The following ATP8A1 variants were observed in gnomAD, a reference collection of about 807,000 sequenced individuals.
The protein encoded by ATP8A1 is phospholipid-transporting ATPase IA.
A neutral mutation model predicts 177.7 loss-of-function variants in ATP8A1; 90 were observed. The ratio of observed to expected loss-of-function variants is 0.51; its 90% CI spans 0.43 to 0.60. The LOEUF (loss-of-function observed/expected upper bound fraction) is 0.60. ATP8A1 is among the 20% of genes least tolerant of loss of function. The pLI is 0.00. For missense variants in ATP8A1, 1,072 were observed against 1,392.8 expected (o/e 0.77, Z 3.67); for synonymous variants, 493 against 485.9 (o/e 1.01, Z -0.19).
intron 33 of ATP8A1, among the ~76,000 whole-genome samples, chr4:42,429,549 T>C (rs1715030932): frequency 6.6e-6 from 1 of 152,210 alleles, no homozygotes; most frequent in Admixed American, 6.5e-5. Context: ...CTTCCTCCTC[T>C]AGGCAAATAC....
chr4:42,503,365 AAT>A lies in ATP8A1; in HGVS notation c.2151+83_2151+84del, dbSNP rs2153193427. On this transcript the variant is annotated intron_variant, in intron 24 of 36. Coordinates refer to ENST00000381668, the MANE Select transcript of ATP8A1 (RefSeq NM_006095.2). ...GGTACCTTGAACCACAGAAAGATAA[AAT>A]ATTTCCATAGCTATCTGAATATAAA... 3 of 805,262 alleles carry A rather than the reference AAT, an allele frequency of 3.7e-6. No homozygotes were observed. The East Asian group carries it at 8.4e-5, about 23-fold the overall frequency. The allele number at this position is 805,262 out of a possible 1,614,324, so 49.9% of individuals were successfully genotyped here.
At position 42,452,158 on chromosome 4, in the gene ATP8A1, T is replaced by A. The variant is rs1023094569; in HGVS notation, c.2818-99A>T. Reference sequence around the variant, plus strand: ...CTATGAGCTAGATTCACAAAATGTGTTTCTGTCGGGCCACCACTGTGAATT... The same window carrying A: ...CTATGAGCTAGATTCACAAAATGTGATTCTGTCGGGCCACCACTGTGAATT... On this transcript the variant is annotated intron_variant, in intron 29 of 36. Transcript: ENST00000381668. 3.7e-6 allele frequency: 3 copies of A among 812,888 alleles called. No homozygotes were observed. The East Asian group carries it at 8.1e-5, about 22-fold the overall frequency. The allele number at this position is 812,888 out of a possible 1,614,324, so 50.4% of individuals were successfully genotyped here.
chr4:42,443,592 A>T lies in ATP8A1; in HGVS notation c.3096T>A (p.Ile1032=). The T allele has an allele frequency of 6.8e-7, 1 of 1,473,012 alleles. No homozygotes were observed. The highest frequency in any genetic ancestry group is 9.5e-7 in the Non-Finnish European group (1 of 1,051,142). 91.2% of individuals were successfully genotyped at this position (1,473,012 alleles called of 1,614,324 possible). ...CTCCTGACATATCAGGGGCCATCGGAATGGCAGGCCACAGAGATGAGTAGA... is the reference window on the plus strand; with the variant it reads ...CTCCTGACATATCAGGGGCCATCGGTATGGCAGGCCACAGAGATGAGTAGA... ...FGIYSSLWPA[I]PMAPDMSGEA... is the part of the protein sequence containing the mutation. Residue 1032 remains isoleucine (I), a synonymous_variant, in exon 33 of 37, where the codon ATT becomes ATA. Transcript: ENST00000381668.
intron 33 of ATP8A1, among the ~76,000 whole-genome samples, chr4:42,426,002 T>C (rs1260749730): frequency 6.6e-6 from 1 of 152,154 alleles, no homozygotes; most frequent in African/African-American, 2.4e-5. Context: ...TGATGCCGGC[T>C]CAAAATCGAA....
rs372577922 is a variant in ATP8A1 at position 42,653,326 on chromosome 4, A to G, written c.49+3499T>C. On this transcript the variant is annotated intron_variant, in intron 1 of 36. Coordinates refer to ENST00000381668, the MANE Select transcript of ATP8A1 (RefSeq NM_006095.2). ...CCACACAACAAATTCTATAATTAGC[A>G]TATTTTGTGTGTGTTTTGTCTCCTG... Among the ~76,000 whole-genome samples the G allele has an allele frequency of 1.5e-4, 9 of 58,320 alleles. No individual in the cohort carries two copies. In the South Asian group the frequency reaches 3.5e-3, roughly 23 times the overall value. The allele number at this position is 58,320 out of a possible 152,430, so 38.3% of individuals were successfully genotyped here. A position where few individuals can be genotyped will look rare whatever the true frequency, so the allele number is the denominator to read the frequency against.
At chr4:42,537,030 G>T (rs1202766736) in intron 20 of ATP8A1, among the ~76,000 whole-genome samples, 3 of 151,720 alleles carry the variant, frequency 2.0e-5, no homozygotes, top group African/African-American at 7.3e-5. Context: ...TACTTGGGAG[G>T]CTGAGGCAAG....
intron 1 of ATP8A1, among the ~76,000 whole-genome samples, chr4:42,634,717 C>T (rs1222021282): frequency 6.6e-6 from 1 of 152,098 alleles, no homozygotes; most frequent in Non-Finnish European, 1.5e-5. Flanking sequence ...GTGTAAAGTG[C>T]CTGGCTCCTC....
rs575196447 is a variant in ATP8A1 at position 42,411,983 on chromosome 4, C to T, written c.*933G>A. ...AAGCTTTGGAAATCCCACGTAAATA[C>T]GTAGCATATGTTTCTTAAGAGGAAA... On this transcript the variant is annotated 3_prime_UTR_variant, in exon 37 of 37. Coordinates refer to ENST00000381668, the MANE Select transcript of ATP8A1 (RefSeq NM_006095.2). 4 of 152,138 alleles carry T rather than the reference C, an allele frequency of 2.6e-5. No homozygotes were observed. The highest frequency in any genetic ancestry group is 6.6e-5 in the Admixed American group (1 of 15,266). The allele number at this position is 152,138 out of a possible 1,614,324, so 9.4% of individuals were successfully genotyped here.
chr4:42,465,333 A>G (rs1560354644), intron 25 of ATP8A1, among the ~76,000 whole-genome samples: 1 of 152,206 alleles, frequency 6.6e-6, no homozygotes, highest in Non-Finnish European at 1.5e-5. Context: ...TTTGTTAAAC[A>G]TTAGCCTGCC....
intron 27 of ATP8A1, chr4:42,459,617 T>G (rs1248952211): frequency 1.8e-5 from 4 of 224,766 alleles, no homozygotes; most frequent in African/African-American, 9.3e-5. Context: ...AGAAAAGAAC[T>G]ACACATTTAT....
intron 14 of ATP8A1, among the ~76,000 whole-genome samples, chr4:42,571,825 CA>C (rs1171912047): frequency 6.6e-6 from 1 of 152,136 alleles, no homozygotes; most frequent in Non-Finnish European, 1.5e-5. Context: ...CAACTATGTA[CA>C]AATCTATTTT....
At chr4:42,607,335 A>T (rs183391118) in intron 5 of ATP8A1, among the ~76,000 whole-genome samples, 2 of 152,370 alleles carry the variant, frequency 1.3e-5, no homozygotes, top group East Asian at 3.9e-4. Flanking sequence ...CATAAAAAAA[A>T]GTTTCCATAC....
rs954171051 is a variant in ATP8A1 at position 42,491,652 on chromosome 4, T to C, written c.2152-5984A>G. ...GGAAAGTATCATAGCATGCAAGTTG[T>C]CATTTTCATTTTGGCAAAACTCTGC... is the stretch of plus-strand genomic sequence containing the variant. On this transcript the variant is annotated intron_variant, in intron 24 of 36. Coordinates refer to ENST00000381668, the MANE Select transcript of ATP8A1 (RefSeq NM_006095.2). Among the ~76,000 whole-genome samples the C allele has an allele frequency of 5.9e-5, 9 of 152,310 alleles. No homozygotes were observed. The East Asian group carries it at 1.7e-3, about 29-fold the overall frequency.
intron 7 of ATP8A1, 83 bp from the exon 8 acceptor site, chr4:42,588,412 T>A: frequency 1.7e-6 from 2 of 1,150,462 alleles, no homozygotes; most frequent in Non-Finnish European, 2.5e-6. Flanking sequence ...TCAGACTCAC[T>A]AAAGCCTTTC....
At chr4:42,547,485 T>C (rs542309448) in intron 19 of ATP8A1, among the ~76,000 whole-genome samples, 2 of 152,342 alleles carry the variant, frequency 1.3e-5, no homozygotes, top group East Asian at 3.9e-4. Context: ...AACCCTGCTT[T>C]ATTTTTTTCT....
chr4:42,641,271 C>T lies in ATP8A1; in HGVS notation c.50-14162G>A, dbSNP rs532384844. Among the ~76,000 whole-genome samples, 20 of 152,218 alleles carry T rather than the reference C, an allele frequency of 1.3e-4. No homozygotes were observed. In the East Asian group the frequency reaches 1.9e-3, roughly 15 times the overall value. Reference sequence around the variant, plus strand: ...CTGTGTAAATACAATATGGGAGACACCTGACCCAGCAAGGCATGTAGAGCA... The same window carrying T: ...CTGTGTAAATACAATATGGGAGACATCTGACCCAGCAAGGCATGTAGAGCA... On this transcript the variant is annotated intron_variant, in intron 1 of 36. Transcript: ENST00000381668.
At chr4:42,470,090 CT>C (rs1720225015) in intron 25 of ATP8A1, among the ~76,000 whole-genome samples, 1 of 152,178 alleles carries the variant, frequency 6.6e-6, no homozygotes, top group Non-Finnish European at 1.5e-5. Context: ...TCCACCGTTG[CT>C]TTTTCTTCTT....
intron 25 of ATP8A1, among the ~76,000 whole-genome samples, chr4:42,475,507 AT>A (rs1165828218): frequency 4.1e-5 from 6 of 147,790 alleles, no homozygotes; most frequent in Non-Finnish European, 1.5e-5. Flanking sequence ...AAAAAAAAAA[AT>A]TCAGGACATA....
intron 22 of ATP8A1, among the ~76,000 whole-genome samples, chr4:42,510,592 T>C (rs1724906104): frequency 6.6e-6 from 1 of 152,092 alleles, no homozygotes; most frequent in African/African-American, 2.4e-5. Flanking sequence ...TGCAAAAATA[T>C]TTTTTTGCAA....
Sources: allele counts gnomAD v4.1 joint callset (sites outside exome capture counted in the v4.1 genomes callset), GRCh38; gene constraint gnomAD v4.1.1; transcripts MANE v1.5; gene names NCBI Gene and HGNC (gene_info 2026-07-23, HGNC 2026-07-21).